LMF2: variants seen among roughly 807,000 people sequenced by gnomAD.
LMF2 encodes the protein lipase maturation factor 2, also known as transmembrane protein 112B.
In LMF2, 113 loss-of-function variants were observed where a neutral mutation model predicts 81.5. That is an observed-to-expected ratio of 1.39 (90% CI 1.19 to 1.62). The LOEUF (loss-of-function observed/expected upper bound fraction) is 1.62. LMF2 is among the 40% of genes most tolerant of loss of function. The probability of loss-of-function intolerance (pLI) is 0.00; values close to 1 mark genes in which losing one functional copy is unlikely to be tolerated. For missense variants in LMF2, 1,235 were observed against 929.1 expected (o/e 1.33, Z -4.28); for synonymous variants, 645 against 424.5 (o/e 1.52, Z -6.39).
intron 5 of LMF2, 103 bp downstream of exon 5, chr22:50,505,932 C>G: frequency 1.3e-6 from 2 of 1,564,994 alleles, no homozygotes; most frequent in Admixed American, 3.5e-5. Context: ...ACAGCGGTTG[C>G]CAGCTGTCCC....
chr22:50,506,279 C>T lies in LMF2; in HGVS notation c.595+6G>A. On this transcript the variant is annotated splice_donor_region_variant and intron_variant, in intron 4 of 13. Transcript: ENST00000474879. The stretch of plus-strand genomic sequence containing the variant: ...GACTACCCCAGGTCCAGACCGGGCC[C>T]CTCACCAGTGAGCCCCCACCACGCA... The T allele has an allele frequency of 1.9e-6, 3 of 1,548,830 alleles. No homozygotes were observed. Among genetic ancestry groups the T allele is most frequent in the Non-Finnish European group, 2.6e-6 (3 of 1,146,112 alleles).
chr22:50,504,495 G>GGGCCCCCCCCCCC, intron 11 of LMF2, 44 bp from the exon 12 acceptor site: 1 of 1,339,596 alleles, frequency 7.5e-7, no homozygotes, highest in Non-Finnish European at 1.0e-6. Context: ...TACCCGCCCT[G>GGGCCCCCCCCCCC]CCCCTCCCCT....
rs761460988 is a variant in LMF2 at position 50,504,853 on chromosome 22, A to C, written c.1386T>G (p.Gly462=). The change falls in exon 10 of 14, where the codon GGT becomes GGG. Residue 462 remains glycine, a synonymous_variant. Coordinates refer to ENST00000474879, the MANE Select transcript of LMF2 (RefSeq NM_033200.3). ...CCTCCAGCACCACCTCAGGCCGTCC[A>C]CCAAGCCCAGTCATGCGGCGGAAGA... ...YGLFRRMTGL[G]GRPEVVLEGS... 1.2e-6 allele frequency: 2 copies of C among 1,611,144 alleles called. No individual in the cohort carries two copies. Among genetic ancestry groups the C allele is most frequent in the South Asian group, 1.1e-5 (1 of 91,018 alleles).
chr22:50,507,521 A>G lies in LMF2; in HGVS notation c.94+61T>C, dbSNP rs1465836668. ...CGGACTGCGTGAGTGCCGGGCACAG[A>G]GAAAAGAGGACATAGGGTCCCGCGC... On this transcript the variant is annotated intron_variant, in intron 1 of 13. Transcript: ENST00000474879. 5 of 1,270,650 alleles carry G rather than the reference A, an allele frequency of 3.9e-6. No homozygotes were observed. In the African/African-American group the frequency reaches 5.9e-5, roughly 15 times the overall value. 78.7% of individuals were successfully genotyped at this position (1,270,650 alleles called of 1,614,324 possible). A position where few individuals can be genotyped will look rare whatever the true frequency, so the allele number is the denominator to read the frequency against.
chr22:50,505,973 C>A, intron 5 of LMF2, 62 bp downstream of exon 5: 1 of 1,556,998 alleles, frequency 6.4e-7, no homozygotes, highest in South Asian at 1.2e-5. Context: ...ACAGGGCACG[C>A]TGAGCAGCGC....
At chr22:50,505,019 G>GCCCCCAGCCCAT (rs1569518301) in intron 9 of LMF2, 35 bp from the exon 10 acceptor site, 1 of 1,612,212 alleles carries the variant, frequency 6.2e-7, no homozygotes, top group Non-Finnish European at 8.5e-7. Flanking sequence ...GGGCTGCCCT[G>GCCCCCAGCCCAT]CCCCCAGCCC....
At chr22:50,507,509 T>C (rs2068626813) in intron 1 of LMF2, 73 bp downstream of exon 1, 2 of 1,183,910 alleles carry the variant, frequency 1.7e-6, no homozygotes, top group South Asian at 2.6e-5. Flanking sequence ...ACTGCGTGAG[T>C]GCCGGGCACA....
rs1026571581 is a variant in LMF2 at position 50,506,379 on chromosome 22, G to A, written c.501C>T (p.Pro167=). The A allele has an allele frequency of 4.5e-6, 7 of 1,549,960 alleles. No individual in the cohort carries two copies. The African/African-American group carries it at 5.5e-5, about 12-fold the overall frequency. ...ACAGCAGCCATCGCACCAGCCAGAAGGGGAGGTCTTCGTGGGGCAGGGCCC... is the reference window on the plus strand; with the variant it reads ...ACAGCAGCCATCGCACCAGCCAGAAAGGGAGGTCTTCGTGGGGCAGGGCCC... ...QAGALPHEDL[P]FWLVRWLLFR... is the part of the protein sequence containing the mutation. The change falls in exon 4 of 14, where the codon CCC becomes CCT. Residue 167 remains proline (P), a synonymous_variant. Coordinates refer to ENST00000474879, the MANE Select transcript of LMF2 (RefSeq NM_033200.3).
chr22:50,505,500 C>T lies in LMF2; in HGVS notation c.954G>A (p.Leu318=). Residue 318 remains leucine, a synonymous_variant, in exon 7 of 14, where the codon CTG becomes CTA. Coordinates refer to ENST00000474879, the MANE Select transcript of LMF2 (RefSeq NM_033200.3). ...GAAGCCCGTAGACGGCTAGTTCCAG[C>T]AGCAGCGACAGGGTGGCCAGCAGGG... ...PKALLATLSL[L]LELAVYGLLA... is the part of the protein sequence containing the mutation. The T allele has an allele frequency of 6.2e-7, 1 of 1,612,762 alleles. No individual in the cohort carries two copies. The highest frequency in any genetic ancestry group is 8.5e-7 in the Non-Finnish European group (1 of 1,180,020).
intron 1 of LMF2, 142 bp downstream of exon 1, chr22:50,507,440 G>A (rs924996324): frequency 1.4e-5 from 10 of 720,090 alleles, no homozygotes; most frequent in East Asian, 5.5e-5. Context: ...GCGGCCTGCA[G>A]GACACGAACC....
At position 50,505,117 on chromosome 22, in the gene LMF2, A is replaced by C. The variant is rs551953284; in HGVS notation, c.1194T>G (p.Ser398Arg). The C allele has an allele frequency of 6.2e-7, 1 of 1,612,876 alleles. No homozygotes were observed. The highest frequency in any genetic ancestry group is 8.5e-7 in the Non-Finnish European group (1 of 1,179,974). Residue 398 changes from serine to arginine, a missense_variant, in exon 9 of 14, where the codon AGT (serine) becomes AGG (arginine). Ser to Arg is a moderately radical substitution (Grantham distance 110). Coordinates refer to ENST00000474879, the MANE Select transcript of LMF2 (RefSeq NM_033200.3). ...TQVRGWLRKL[S>R]AVVQLSLVGT... is the part of the protein sequence containing the mutation. The stretch of plus-strand genomic sequence containing the variant: ...CCACAAGGGACAGTTGGACTACAGC[A>C]CTGAGCTTCCGTAGCCAGCCCCGCA...
At chr22:50,504,482 C>G (rs376806155) in intron 11 of LMF2, 31 bp from the exon 12 acceptor site, 2 of 1,587,270 alleles carry the variant, frequency 1.3e-6, no homozygotes, top group African/African-American at 2.7e-5. Context: ...GTGGCCCCCA[C>G]AGTACCCGCC....
Position 50,505,327 on chromosome 22 carries a change from G to A in LMF2, c.1059C>T (p.Thr353=), listed in dbSNP as rs1297743868. ...QRTIHSRTTF[T]FHQFSQWLKT... is the part of the protein sequence containing the mutation. ...TCAGCCACTGAGAAAACTGGTGGAA[G>A]GTGAAAGCTGGTGGAGGAGGGGGGT... Residue 353 remains threonine, a synonymous_variant, in exon 8 of 14, where the codon ACC becomes ACT. Coordinates refer to ENST00000474879, the MANE Select transcript of LMF2 (RefSeq NM_033200.3). 14 of 1,613,312 alleles carry A rather than the reference G, an allele frequency of 8.7e-6. No homozygotes were observed. Among genetic ancestry groups the A allele is most frequent in the Admixed American group, 1.7e-5 (1 of 60,036 alleles).
chr22:50,506,542 A>G (rs779020789), intron 3 of LMF2, 40 bp from the exon 4 acceptor site: 3 of 1,576,822 alleles, frequency 1.9e-6, no homozygotes, highest in Non-Finnish European at 2.6e-6. Context: ...CCCTCCCCAC[A>G]CAGCTGCTTC....
In LMF2 at chr22:50,504,548, C is replaced by T. The variant is rs2068503184; in HGVS notation, c.1606+11G>A. 1 of 1,568,480 alleles carries T rather than the reference C, an allele frequency of 6.4e-7. No individual in the cohort carries two copies. The highest frequency in any genetic ancestry group is 8.6e-7 in the Non-Finnish European group (1 of 1,161,240). Reference sequence around the variant, plus strand: ...CCAGCCCACTCCACACCCCCCAAGCCCGCTCCGCACCTGGCTCCTTGCCCT... The same window carrying T: ...CCAGCCCACTCCACACCCCCCAAGCTCGCTCCGCACCTGGCTCCTTGCCCT... On this transcript the variant is annotated intron_variant, in intron 11 of 13. Coordinates refer to ENST00000474879, the MANE Select transcript of LMF2 (RefSeq NM_033200.3).
In LMF2 at chr22:50,507,672, C is replaced by A. The variant is rs1364900479; in HGVS notation, c.4G>T (p.Ala2Ser). 3 of 1,550,588 alleles carry A rather than the reference C, an allele frequency of 1.9e-6. No individual in the cohort carries two copies. The change falls in exon 1 of 14, where the codon GCG becomes TCG. Residue 2 changes from alanine (A) to serine (S), a missense_variant. Ala to Ser is a moderately conservative substitution (Grantham distance 99, BLOSUM62 1). Transcript: ENST00000474879. The stretch of plus-strand genomic sequence containing the variant: ...AGCTGCCGCGGGAGCCGGGAGCCCG[C>A]CATGTCCGCTACGCGGCCCGCTAGA... M[A>S]GSRLPRQLFL... is the part of the protein sequence containing the mutation.
chr22:50,507,582 C>A lies in LMF2; in HGVS notation c.94G>T (p.Gly32Cys). 1 of 1,560,102 alleles carries A rather than the reference C, an allele frequency of 6.4e-7. No individual in the cohort carries two copies. Among genetic ancestry groups the A allele is most frequent in the Non-Finnish European group, 8.7e-7 (1 of 1,152,306 alleles). The change falls in exon 1 of 14, where the codon GGC becomes TGC. Residue 32 changes from glycine (G) to cysteine (C), a missense_variant and splice_region_variant. Transcript: ENST00000474879. ...AFASLYTQIP[G>C]LYGPEGILPA... ...GGTGTCCCACCCTGGGTGCCTTCAC[C>A]TGGGATTTGCGTGTAGAGGGAAGCG...
chr22:50,505,645 G>A, intron 6 of LMF2, 29 bp downstream of exon 6: 1 of 1,611,858 alleles, frequency 6.2e-7, no homozygotes. Flanking sequence ...ACCCCTGGGA[G>A]GGCAGGGGGC....
At position 50,506,485 on chromosome 22, in the gene LMF2, T is replaced by C. The variant is rs1338107699; in HGVS notation, c.395A>G (p.Glu132Gly). Residue 132 changes from glutamate to glycine, a missense_variant, in exon 4 of 14, where the codon GAG becomes GGG. Coordinates refer to ENST00000474879, the MANE Select transcript of LMF2 (RefSeq NM_033200.3). ...CACCAGCACGGCCAGGAAGCCAGTC[T>C]CTAGCAGCAGGGAGTCCCTATGGGG... ...LYFQWDSLLL[E>G]TGFLAVLVAP... 3.2e-6 allele frequency: 5 copies of C among 1,555,896 alleles called. No individual in the cohort carries two copies. Among genetic ancestry groups the C allele is most frequent in the Non-Finnish European group, 3.5e-6 (4 of 1,152,332 alleles).
Sources: gnomAD v4.1 joint callset for allele counts on GRCh38, gnomAD v4.1.1 for gene constraint, MANE v1.5 for transcripts, NCBI Gene and HGNC (gene_info 2026-07-23, HGNC 2026-07-21) for gene names.